Variants in PCDH11X observed in about 807,000 individuals in gnomAD.
The protein encoded by PCDH11X is protocadherin-11 X-linked.
PCDH11X carries 18 observed loss-of-function variants against 53.3 expected under a neutral mutation model. The observed-to-expected ratio is 0.34, with a 90% CI of 0.23 to 0.50. PCDH11X has a LOEUF of 0.50. Among genes scored for constraint, PCDH11X ranks in the 20% least tolerant of loss-of-function variants. The pLI is 0.98. For synonymous variants in PCDH11X, 279 were observed against 393.3 expected (o/e 0.71, Z 3.44); for missense variants, 570 against 1,032.4 (o/e 0.55, Z 6.14).
chrX:92,582,841 T>C (rs1482813736), intron 10 of PCDH11X, among the ~76,000 whole-genome samples: 1 of 109,076 alleles, frequency 9.2e-6, no homozygotes, highest in Admixed American at 9.8e-5. Flanking sequence ...ACTCACCTCT[T>C]GCATTAGCGT....
At chrX:92,490,716 G>T (rs1196704510) in intron 10 of PCDH11X, among the ~76,000 whole-genome samples, 1 of 90,209 alleles carries the variant, frequency 1.1e-5, no homozygotes, top group African/African-American at 4.5e-5. Context: ...GAAAAAGAAA[G>T]AAAGAAAGAA....
intron 8 of PCDH11X, among the ~76,000 whole-genome samples, chrX:92,342,717 C>A (rs1351957687): frequency 9.0e-6 from 1 of 110,624 alleles, no homozygotes; most frequent in East Asian, 2.9e-4. Context: ...GGGAGGGGTG[C>A]AAGGGTTGAA....
At chrX:92,225,840 A>G (rs190603194) in intron 7 of PCDH11X, among the ~76,000 whole-genome samples, 2 of 111,936 alleles carry the variant, frequency 1.8e-5, no homozygotes, top group African/African-American at 6.5e-5. Context: ...TAAGCAAAGT[A>G]TGTCCTAATC....
At chrX:92,315,172 A>G (rs1478757058) in intron 8 of PCDH11X, among the ~76,000 whole-genome samples, 1 of 111,989 alleles carries the variant, frequency 8.9e-6, no homozygotes. Flanking sequence ...AAACTTTTAC[A>G]GATGCTCATA....
intron 6 of PCDH11X, among the ~76,000 whole-genome samples, chrX:92,132,285 C>CAAAAAAAAAAA (rs778221916): frequency 1.1e-4 from 1 of 8,848 alleles, no homozygotes; most frequent in Non-Finnish European, 2.0e-4. Flanking sequence ...ACCTCTGTCT[C>CAAAAAAAAAAA]AAAAAAAAAA....
rs184184228 is a variant in PCDH11X at position 92,523,159 on chromosome X, T to C, written c.3367+54837T>C. Among the ~76,000 whole-genome samples, 307 of 112,254 alleles carry C rather than the reference T, an allele frequency of 2.7e-3. 1 individual carries two copies. Among genetic ancestry groups the C allele is most frequent in the African/African-American group, 9.3e-3 (287 of 30,958 alleles). On this transcript the variant is annotated intron_variant, in intron 10 of 10. Transcript: ENST00000682573. Reference sequence around the variant, plus strand: ...AAGCGACAGGCAATCCATTCTGTCGTTGCTATCCAATGTCATATCTATTTT... The same window carrying C: ...AAGCGACAGGCAATCCATTCTGTCGCTGCTATCCAATGTCATATCTATTTT...
At chrX:91,989,244 GA>G (rs373375695) in intron 6 of PCDH11X, among the ~76,000 whole-genome samples, 18 of 102,805 alleles carry the variant, frequency 1.8e-4, no homozygotes, top group East Asian at 6.0e-4. Context: ...CATTTCTTGT[GA>G]AAAAAAAAAA....
intron 9 of PCDH11X, among the ~76,000 whole-genome samples, chrX:92,397,412 A>ATG (rs2071271175): frequency 9.1e-6 from 1 of 109,898 alleles, no homozygotes; most frequent in African/African-American, 3.3e-5. Flanking sequence ...TCTTTGGAAA[A>ATG]TGTGTGTCCT....
intron 5 of PCDH11X, among the ~76,000 whole-genome samples, chrX:91,844,691 T>A (rs1937591455): frequency 9.4e-6 from 1 of 106,292 alleles, no homozygotes; most frequent in Non-Finnish European, 1.9e-5. Flanking sequence ...AAAATATCCT[T>A]TTTCAAGCAG....
rs764815324 is a variant in PCDH11X at position 92,092,107 on chromosome X, T to C, written c.3034-109268T>C. On this transcript the variant is annotated intron_variant, in intron 6 of 10. Coordinates refer to ENST00000682573, the MANE Select transcript of PCDH11X (RefSeq NM_032968.5). ...TAAATAATCCCCATTTGATGGAATTTATGGTTTGTAGGGTGTGACTCCCCA... is the reference window on the plus strand; with the variant it reads ...TAAATAATCCCCATTTGATGGAATTCATGGTTTGTAGGGTGTGACTCCCCA... Among the ~76,000 whole-genome samples the C allele has an allele frequency of 4.5e-5, 5 of 111,691 alleles. No homozygotes were observed. In the South Asian group the frequency reaches 1.5e-3, roughly 34 times the overall value.
intron 6 of PCDH11X, among the ~76,000 whole-genome samples, chrX:92,048,327 T>A (rs779012751): frequency 9.1e-6 from 1 of 109,683 alleles, no homozygotes; most frequent in African/African-American, 3.3e-5. Flanking sequence ...TTCTCTCAAA[T>A]ACTCATTATT....
intron 6 of PCDH11X, among the ~76,000 whole-genome samples, chrX:92,171,539 A>C (rs1435948786): frequency 8.1e-5 from 9 of 111,026 alleles, no homozygotes; most frequent in Non-Finnish European, 1.7e-4. Flanking sequence ...AGCTCACTGT[A>C]ACCTGTGCTT....
intron 9 of PCDH11X, among the ~76,000 whole-genome samples, chrX:92,422,776 C>T (rs1469459085): frequency 1.8e-5 from 2 of 111,391 alleles, no homozygotes; most frequent in Admixed American, 9.5e-5. Flanking sequence ...TCCCACCAAC[C>T]ATGTAAAAGT....
At chrX:92,281,090 G>A (rs1294507370) in intron 8 of PCDH11X, among the ~76,000 whole-genome samples, 1 of 111,066 alleles carries the variant, frequency 9.0e-6, no homozygotes, top group Non-Finnish European at 1.9e-5. Flanking sequence ...GGCCCTTTGT[G>A]AACTGCAATC....
intron 9 of PCDH11X, among the ~76,000 whole-genome samples, chrX:92,440,083 A>T (rs1288651490): frequency 1.0e-5 from 1 of 97,921 alleles, no homozygotes; most frequent in Non-Finnish European, 2.1e-5. Context: ...TTTAGTGCTG[A>T]ATAATGTCAA....
intron 10 of PCDH11X, among the ~76,000 whole-genome samples, chrX:92,503,600 T>G (rs868088818): frequency 1.1e-5 from 1 of 90,454 alleles, no homozygotes; most frequent in African/African-American, 4.5e-5. Context: ...TTGGAAGCCA[T>G]TATCCTCAGC....
At chrX:92,021,900 A>G (rs1461664381) in intron 6 of PCDH11X, among the ~76,000 whole-genome samples, 2 of 108,925 alleles carry the variant, frequency 1.8e-5, no homozygotes, top group Non-Finnish European at 3.8e-5. Flanking sequence ...TCAACCCAGA[A>G]TTTCATATCC....
rs774534435 is a variant in PCDH11X at position 92,119,610 on chromosome X, C to A, written c.3034-81765C>A. Among the ~76,000 whole-genome samples, 5 of 111,201 alleles carry A rather than the reference C, an allele frequency of 4.5e-5. No individual in the cohort carries two copies. The East Asian group carries it at 1.4e-3, about 31-fold the overall frequency. On this transcript the variant is annotated intron_variant, in intron 6 of 10. Transcript: ENST00000682573. ...GAGTCCCTAAGCAATTCAATAATTT[C>A]TCAAAACAAACTTATTAGTAATAAA...
chrX:92,452,495 ATATG>A (rs1414771633), intron 9 of PCDH11X, among the ~76,000 whole-genome samples: 13 of 40,423 alleles, frequency 3.2e-4, no homozygotes, highest in African/African-American at 2.9e-3. Context: ...ATATATATAT[ATATG>A]TTTTTTTTTT....
Sources: allele counts gnomAD v4.1 joint callset (sites outside exome capture counted in the v4.1 genomes callset), GRCh38; gene constraint gnomAD v4.1.1; transcripts MANE v1.5; gene names NCBI Gene and HGNC (gene_info 2026-07-23, HGNC 2026-07-21).